The following UQCC1 variants were observed in gnomAD, a reference collection of about 807,000 sequenced individuals.
The protein encoded by UQCC1 is bFGF-repressed Zic-binding protein.
A neutral mutation model predicts 48.0 loss-of-function variants in UQCC1; 38 were observed. The observed-to-expected ratio is 0.79, with a 90% CI of 0.61 to 1.04. The LOEUF is 1.04. UQCC1 is among the 50% of genes least tolerant of loss of function. The pLI is 0.00. For synonymous variants in UQCC1, 111 were observed against 129.2 expected, an observed-to-expected ratio of 0.86 and a Z score of 0.95; for missense variants, 368 against 381.8, an observed-to-expected ratio of 0.96 and a Z score of 0.30.
chr20:35,330,643 G>A (rs1418030015), intron 7 of UQCC1, among the ~76,000 whole-genome samples: 1 of 152,170 alleles, frequency 6.6e-6, no homozygotes, highest in African/African-American at 2.4e-5. Flanking sequence ...AACTACCCTA[G>A]TCTCTTCTGG....
At chr20:35,351,728 C>A (rs531772454) in intron 6 of UQCC1, among the ~76,000 whole-genome samples, 2 of 152,294 alleles carry the variant, frequency 1.3e-5, no homozygotes, top group African/African-American at 4.8e-5. Flanking sequence ...TTTCTCAGAC[C>A]ATAAACTTTC....
intron 7 of UQCC1, among the ~76,000 whole-genome samples, chr20:35,324,900 T>C (rs76065618): frequency 2.0e-3 from 310 of 152,356 alleles, no homozygotes; most frequent in African/African-American, 7.1e-3. Context: ...ATTTTCATAG[T>C]AGTATCATTT....
intron 7 of UQCC1, among the ~76,000 whole-genome samples, chr20:35,342,700 T>C (rs1161680069): frequency 2.0e-5 from 3 of 152,210 alleles, no homozygotes; most frequent in African/African-American, 2.4e-5. Flanking sequence ...CTCACAAAGA[T>C]TTTTAAGAAG....
chr20:35,390,980 C>T (rs991533665), intron 2 of UQCC1, among the ~76,000 whole-genome samples: 1 of 151,934 alleles, frequency 6.6e-6, no homozygotes, highest in Non-Finnish European at 1.5e-5. Flanking sequence ...CGGATCACCT[C>T]GGATCAGGAG....
At position 35,374,199 on chromosome 20, in the gene UQCC1, C is replaced by T. The variant is rs775476970; in HGVS notation, c.391G>A (p.Glu131Lys). The change falls in exon 5 of 10, where the codon GAG (glutamate) becomes AAG (lysine). Residue 131 changes from glutamate to lysine, a missense_variant. Coordinates refer to ENST00000374385, the MANE Select transcript of UQCC1 (RefSeq NM_018244.5). ...YTSCVEKTDF[E>K]EFFLRCQMPD... ...AATAACTTACTTAGAAAGAATTCCT[C>T]GAAGTCAGTTTTCTCCACACAGCTA... 3.1e-6 allele frequency: 5 copies of T among 1,611,856 alleles called. No individual in the cohort carries two copies. Among genetic ancestry groups the T allele is most frequent in the Admixed American group, 1.7e-5 (1 of 59,722 alleles).
chr20:35,339,181 G>A (rs2061350861), intron 7 of UQCC1, among the ~76,000 whole-genome samples: 1 of 151,902 alleles, frequency 6.6e-6, no homozygotes. Flanking sequence ...GGAATACAGG[G>A]CTAGCCAGAT....
At chr20:35,403,910 G>A (rs906419243) in intron 1 of UQCC1, among the ~76,000 whole-genome samples, 4 of 152,242 alleles carry the variant, frequency 2.6e-5, no homozygotes, top group Middle Eastern at 3.4e-3. Flanking sequence ...AGGGCCTGTC[G>A]TGGGGTGGGG....
rs528681996 is a variant in UQCC1 at position 35,394,833 on chromosome 20, C to T, written c.25-637G>A. 4.6e-5 allele frequency among the ~76,000 whole-genome samples: 7 copies of T among 152,232 alleles called. No homozygotes were observed. In the South Asian group the frequency reaches 1.2e-3, roughly 27 times the overall value. On this transcript the variant is annotated intron_variant, in intron 1 of 9. Transcript: ENST00000374385. ...AGCACCATCCAACAGGACTGTCCCCCACTTCAGACTCCCATCACAAGTAGT... is the reference window on the plus strand; with the variant it reads ...AGCACCATCCAACAGGACTGTCCCCTACTTCAGACTCCCATCACAAGTAGT...
intron 2 of UQCC1, among the ~76,000 whole-genome samples, chr20:35,388,308 TGA>T (rs2061972488): frequency 1.6e-5 from 2 of 121,250 alleles, no homozygotes; most frequent in Non-Finnish European, 3.3e-5. Flanking sequence ...TCTTTTTTTT[TGA>T]GACAGGGTCT....
chr20:35,366,744 CAA>C, intron 5 of UQCC1, 130 bp from the exon 6 acceptor site: 1 of 698,850 alleles, frequency 1.4e-6, no homozygotes, highest in Non-Finnish European at 2.4e-6. Flanking sequence ...TCCAGTAGAA[CAA>C]TAGGGCGAGA....
At position 35,338,856 on chromosome 20, in the gene UQCC1, GAAAAAAAAAAA is replaced by G. The variant is rs1172467457; in HGVS notation, c.573+8297_573+8307del. Among the ~76,000 whole-genome samples, 97 of 26,842 alleles carry G rather than the reference GAAAAAAAAAAA, an allele frequency of 3.6e-3. 1 individual carries two copies. The highest frequency in any genetic ancestry group is 4.6e-3 in the Non-Finnish European group (84 of 18,202). The allele number at this position is 26,842 out of a possible 152,430, so 17.6% of individuals were successfully genotyped here. On this transcript the variant is annotated intron_variant, in intron 7 of 9. Coordinates refer to ENST00000374385, the MANE Select transcript of UQCC1 (RefSeq NM_018244.5). ...GAGAAAGCAAGACTCCGTCTCAAAA[GAAAAAAAAAAA>G]AAAAAAAAAAAAAAAAAAAAAAAAA...
intron 2 of UQCC1, among the ~76,000 whole-genome samples, chr20:35,384,966 CAAAAAAA>C (rs57141083): frequency 6.0e-4 from 42 of 69,750 alleles, no homozygotes; most frequent in African/African-American, 2.4e-3. Flanking sequence ...GAATCGGTCT[CAAAAAAA>C]AAAAAAAAAA....
rs746217816 is a variant in UQCC1 at position 35,366,554 on chromosome 20, T to A, written c.464+3A>T. ...GGTGACTTCATTTAAATTGCTCACT[T>A]ACCAGACGTGGAGTAGGGTTATAAG... On this transcript the variant is annotated splice_donor_region_variant and intron_variant, in intron 6 of 9. Coordinates refer to ENST00000374385, the MANE Select transcript of UQCC1 (RefSeq NM_018244.5). 1.9e-6 allele frequency: 3 copies of A among 1,613,670 alleles called. No individual in the cohort carries two copies. The highest frequency in any genetic ancestry group is 2.5e-6 in the Non-Finnish European group (3 of 1,179,670).
chr20:35,411,700 C>T (rs2062367791), intron 1 of UQCC1, among the ~76,000 whole-genome samples: 2 of 152,116 alleles, frequency 1.3e-5, no homozygotes, highest in Admixed American at 1.3e-4. Context: ...GAAAAGTAAA[C>T]CCCATCAAAT....
rs1037058022 is a variant in UQCC1, at chr20:35,394,261, G to A, written c.25-65C>T. ...ATACTCCCTACATGGAAGGCAAAGAGTGTACCTGTGATACTGTAATATAAT... is the reference window on the plus strand; with the variant it reads ...ATACTCCCTACATGGAAGGCAAAGAATGTACCTGTGATACTGTAATATAAT... On this transcript the variant is annotated intron_variant, in intron 1 of 9. Coordinates refer to ENST00000374385, the MANE Select transcript of UQCC1 (RefSeq NM_018244.5). 5.2e-6 allele frequency: 7 copies of A among 1,342,450 alleles called. No homozygotes were observed. The African/African-American group carries it at 1.0e-4, about 19-fold the overall frequency. The allele number at this position is 1,342,450 out of a possible 1,614,324, so 83.2% of individuals were successfully genotyped here. A position where few individuals can be genotyped will look rare whatever the true frequency, so the allele number is the denominator to read the frequency against.
Position 35,392,844 on chromosome 20 carries a change from CAT to C in UQCC1, c.129+1246_129+1247del, listed in dbSNP as rs1442321052. 3.3e-5 allele frequency among the ~76,000 whole-genome samples: 5 copies of C among 151,626 alleles called. No individual in the cohort carries two copies. In the South Asian group the frequency reaches 6.2e-4, roughly 19 times the overall value. ...AATATATATAATTACATATAGCAAACATATTTTTAATTGCATCGAATACGAAA... is the reference window on the plus strand; with the variant it reads ...AATATATATAATTACATATAGCAAACATTTTTAATTGCATCGAATACGAAA... On this transcript the variant is annotated intron_variant, in intron 2 of 9. Coordinates refer to ENST00000374385, the MANE Select transcript of UQCC1 (RefSeq NM_018244.5).
intron 6 of UQCC1, among the ~76,000 whole-genome samples, chr20:35,360,306 A>G (rs1316374553): frequency 6.6e-6 from 1 of 152,074 alleles, no homozygotes; most frequent in African/African-American, 2.4e-5. Flanking sequence ...CAGCTACATC[A>G]AAAGTGCTGT....
At position 35,347,275 on chromosome 20, in the gene UQCC1, G is replaced by A; in HGVS notation, c.465-3C>T. On this transcript the variant is annotated splice_polypyrimidine_tract_variant and splice_region_variant and intron_variant, in intron 6 of 9. Transcript: ENST00000374385. Reference sequence around the variant, plus strand: ...GCTTCATTCGGACTAGACACATCCTGGGTGGGAAGAAGACAAAAAAAGTCT... The same window carrying A: ...GCTTCATTCGGACTAGACACATCCTAGGTGGGAAGAAGACAAAAAAAGTCT... 6.2e-7 allele frequency: 1 copy of A among 1,613,630 alleles called. No homozygotes were observed. The highest frequency in any genetic ancestry group is 8.5e-7 in the Non-Finnish European group (1 of 1,179,648).
At chr20:35,396,633 CAA>C (rs1217244966) in intron 1 of UQCC1, among the ~76,000 whole-genome samples, 1 of 152,138 alleles carries the variant, frequency 6.6e-6, no homozygotes, top group Non-Finnish European at 1.5e-5. Context: ...ATTTCCAAGA[CAA>C]GAGAGATTAA....
Sources: allele counts gnomAD v4.1 joint callset (sites outside exome capture counted in the v4.1 genomes callset), GRCh38; gene constraint gnomAD v4.1.1; transcripts MANE v1.5; gene names NCBI Gene and HGNC (gene_info 2026-07-23, HGNC 2026-07-21).